AGFG2: variants seen among roughly 807,000 people sequenced by gnomAD.
The protein encoded by AGFG2 is ArfGAP with FG repeats 2, also known as arf-GAP domain and FG repeat-containing protein 2.
AGFG2 carries 31 observed loss-of-function variants against 48.0 expected under a neutral mutation model. The ratio of observed to expected loss-of-function variants is 0.65; its 90% CI spans 0.49 to 0.87. The LOEUF is 0.87. AGFG2 is among the 40% of genes least tolerant of loss of function. The pLI is 0.00. For synonymous variants in AGFG2, 229 were observed against 260.8 expected (o/e 0.88, Z 1.18); for missense variants, 599 against 632.6 (o/e 0.95, Z 0.57).
intron 1 of AGFG2, among the ~76,000 whole-genome samples, chr7:100,540,553 CT>C (rs1800403273): frequency 6.6e-6 from 1 of 152,166 alleles, no homozygotes; most frequent in Non-Finnish European, 1.5e-5. Context: ...CTCCACTCCC[CT>C]CTGCACTCCT....
intron 5 of AGFG2, among the ~76,000 whole-genome samples, chr7:100,555,006 C>T (rs1000191479): frequency 6.8e-6 from 1 of 146,058 alleles, no homozygotes; most frequent in Non-Finnish European, 1.5e-5. Context: ...ATGCTCCAAA[C>T]TAGGCCCTGA....
intron 6 of AGFG2, among the ~76,000 whole-genome samples, chr7:100,558,551 T>G (rs1021468766): frequency 5.4e-4 from 82 of 151,644 alleles, no homozygotes; most frequent in South Asian, 1.7e-3. Context: ...TTTTGTTTTT[T>G]TTTTTTTTTA....
At chr7:100,551,067 T>TATATATATA (rs1562791931) in intron 3 of AGFG2, among the ~76,000 whole-genome samples, 5 of 96,784 alleles carry the variant, frequency 5.2e-5, no homozygotes, top group African/African-American at 2.2e-4. Context: ...TATATATATA[T>TATATATATA]TTCTTTTTTT....
At chr7:100,553,565 G>C (rs1306528927) in intron 4 of AGFG2, 65 bp downstream of exon 4, 2 of 1,541,022 alleles carry the variant, frequency 1.3e-6, no homozygotes, top group Non-Finnish European at 1.8e-6. Context: ...TCAGTTTCCT[G>C]AATCAGATTC....
In AGFG2 at chr7:100,562,770, T is replaced by C. The variant is rs571944021; in HGVS notation, c.1087+88T>C. ...TGGACAGGGTGGGAAGGGGAGAGAT[T>C]GAGAGGAATGCTCAGGCATCACAGG... On this transcript the variant is annotated intron_variant, in intron 8 of 11. Coordinates refer to ENST00000300176, the MANE Select transcript of AGFG2 (RefSeq NM_006076.5). The surrounding 1 kb of genome is among the most constrained non-coding windows in gnomAD (Gnocchi z 5.4). 6 of 1,592,762 alleles carry C rather than the reference T, an allele frequency of 3.8e-6. No homozygotes were observed. In the East Asian group the frequency reaches 1.3e-4, roughly 36 times the overall value.
chr7:100,541,848 A>C (rs1800427663), intron 1 of AGFG2, among the ~76,000 whole-genome samples: 2 of 152,104 alleles, frequency 1.3e-5, no homozygotes, highest in Non-Finnish European at 2.9e-5. Context: ...TATGAGAAGC[A>C]GAAGGATGAA....
At chr7:100,545,039 T>A (rs1023904422) in intron 1 of AGFG2, among the ~76,000 whole-genome samples, 2 of 152,122 alleles carry the variant, frequency 1.3e-5, no homozygotes, top group African/African-American at 4.8e-5. Flanking sequence ...GATGTTTGCA[T>A]CCAAGATAAG....
chr7:100,547,963 T>C (rs1256375971), intron 1 of AGFG2, among the ~76,000 whole-genome samples: 3 of 152,370 alleles, frequency 2.0e-5, no homozygotes, highest in African/African-American at 7.2e-5. Context: ...CTGTTTTTTG[T>C]CACCATATCC....
chr7:100,553,358 C>A lies in AGFG2; in HGVS notation c.443C>A (p.Pro148Gln). The A allele has an allele frequency of 1.2e-6, 2 of 1,614,174 alleles. No homozygotes were observed. Among genetic ancestry groups the A allele is most frequent in the Non-Finnish European group, 1.7e-6 (2 of 1,180,016 alleles). Reference sequence around the variant, plus strand: ...ATTCTTTCTCAAAGGTATGTCCCCCCAGACCAAGTCAAGGGGCCCACTTAT... The same window carrying A: ...ATTCTTTCTCAAAGGTATGTCCCCCAAGACCAAGTCAAGGGGCCCACTTAT... Reference protein sequence around the residue: ...KYEKKRWYVPPDQVKGPTYTK... With the variant: ...KYEKKRWYVPQDQVKGPTYTK... The change falls in exon 4 of 12, where the codon CCA becomes CAA. Residue 148 changes from proline (P) to glutamine (Q), a missense_variant. Transcript: ENST00000300176.
chr7:100,550,368 C>CA, intron 2 of AGFG2, 28 bp from the exon 3 acceptor site: 1 of 1,460,412 alleles, frequency 6.8e-7, no homozygotes, highest in Non-Finnish European at 9.5e-7. Flanking sequence ...TTTCTGCTCC[C>CA]ACTCCTCTGA....
At chr7:100,549,993 A>T (rs1800594849) in intron 2 of AGFG2, among the ~76,000 whole-genome samples, 1 of 152,172 alleles carries the variant, frequency 6.6e-6, no homozygotes, top group Admixed American at 6.5e-5. Flanking sequence ...CATCCAGCCA[A>T]TATGTATTTA....
chr7:100,555,482 A>T, intron 5 of AGFG2, 128 bp from the exon 6 acceptor site: 1 of 969,208 alleles, frequency 1.0e-6, no homozygotes, highest in Non-Finnish European at 1.5e-6. Context: ...CATGTTGACC[A>T]GGCTGGTCTT....
chr7:100,559,806 G>A (rs1439442766), intron 6 of AGFG2, among the ~76,000 whole-genome samples: 2 of 148,258 alleles, frequency 1.3e-5, no homozygotes, highest in African/African-American at 5.0e-5. Flanking sequence ...CAATTGGAAT[G>A]AGACCCTGTC....
intron 3 of AGFG2, among the ~76,000 whole-genome samples, chr7:100,551,501 G>A (rs1209216461): frequency 1.3e-5 from 2 of 151,572 alleles, no homozygotes; most frequent in African/African-American, 2.4e-5. Context: ...CACCGTGCCC[G>A]GCCTTGTTTC....
At chr7:100,561,127 CTTT>C (rs76456752) in intron 6 of AGFG2, among the ~76,000 whole-genome samples, 8 of 125,014 alleles carry the variant, frequency 6.4e-5, no homozygotes, top group Admixed American at 8.1e-5. Context: ...CCAGATCTCC[CTTT>C]TTTTTTTTTT....
At position 100,552,741 on chromosome 7, in the gene AGFG2, G is replaced by A. The variant is rs533213869; in HGVS notation, c.432-606G>A. ...CACTGTAGTGGAAGGGAATTGTCCC[G>A]GCAGGAGCTGGCAGGATGGAAGTGT... On this transcript the variant is annotated intron_variant, in intron 3 of 11. Coordinates refer to ENST00000300176, the MANE Select transcript of AGFG2 (RefSeq NM_006076.5). Among the ~76,000 whole-genome samples the A allele has an allele frequency of 4.5e-4, 68 of 152,304 alleles. No individual in the cohort carries two copies. The South Asian group carries it at 5.0e-3, about 11-fold the overall frequency.
At chr7:100,543,154 C>T (rs1800453851) in intron 1 of AGFG2, among the ~76,000 whole-genome samples, 1 of 152,118 alleles carries the variant, frequency 6.6e-6, no homozygotes, top group African/African-American at 2.4e-5. Context: ...ACCTCCACCT[C>T]CTGGTTTCAA....
intron 2 of AGFG2, among the ~76,000 whole-genome samples, chr7:100,549,716 T>TTG (rs1186820858): frequency 6.6e-6 from 1 of 152,008 alleles, no homozygotes; most frequent in African/African-American, 2.4e-5. Context: ...AGAGACAAGC[T>TTG]CTTGCTTGCT....
In AGFG2 at chr7:100,551,064, A is replaced by T. The variant is rs1181928182; in HGVS notation, c.431+553A>T. Among the ~76,000 whole-genome samples the T allele has an allele frequency of 4.8e-3, 373 of 78,316 alleles. 19 individuals are homozygous for T. The highest frequency in any genetic ancestry group is 0.02 in the African/African-American group (359 of 18,316). The allele number at this position is 78,316 out of a possible 152,430, so 51.4% of individuals were successfully genotyped here. A position where few individuals can be genotyped will look rare whatever the true frequency, so the allele number is the denominator to read the frequency against. ...TATATATATATATATATATATATAT[A>T]TATTTCTTTTTTTTTTTTTTTTTGA... On this transcript the variant is annotated intron_variant, in intron 3 of 11. Transcript: ENST00000300176.
Sources: gnomAD v4.1 joint callset for allele counts (sites outside exome capture counted in the v4.1 genomes callset) on GRCh38, gnomAD v4.1.1 for gene constraint, Gnocchi (gnomAD v3.1) non-coding constraint, MANE v1.5 for transcripts, NCBI Gene and HGNC (gene_info 2026-07-23, HGNC 2026-07-21) for gene names.